Variants in FKBP11 observed in about 807,000 individuals in gnomAD.
The protein encoded by FKBP11 is peptidyl-prolyl cis-trans isomerase FKBP11.
In FKBP11, 21 loss-of-function variants were observed where a neutral mutation model predicts 24.7. The observed-to-expected ratio is 0.85, with a 90% CI of 0.60 to 1.23. The LOEUF (loss-of-function observed/expected upper bound fraction) is 1.23. Among genes scored for constraint, FKBP11 ranks in the 50% most tolerant of loss-of-function variants. The pLI is 0.00. For missense variants in FKBP11, 245 were observed against 248.7 expected, an observed-to-expected ratio of 0.99 and a Z score of 0.10; for synonymous variants, 106 against 100.6, an observed-to-expected ratio of 1.05 and a Z score of -0.32.
In FKBP11 at chr12:48,925,474, G is replaced by C; in HGVS notation, c.-46C>G. 8 of 1,529,850 alleles carry C rather than the reference G, an allele frequency of 5.2e-6. No homozygotes were observed. Among genetic ancestry groups the C allele is most frequent in the Non-Finnish European group, 7.0e-6 (8 of 1,138,378 alleles). The allele number at this position is 1,529,850 out of a possible 1,614,324, so 94.8% of individuals were successfully genotyped here. The stretch of plus-strand genomic sequence containing the variant: ...GCCGGGGCACCAGGACAGGCTGTTC[G>C]GGTGGCGGCAGCCAGGACAGCGTTC... On this transcript the variant is annotated 5_prime_UTR_variant, in exon 1 of 6. Coordinates refer to ENST00000550765, the MANE Select transcript of FKBP11 (RefSeq NM_016594.3).
chr12:48,928,299 C>G (rs1592233786), upstream of FKBP11, among the ~76,000 whole-genome samples: 1 of 151,692 alleles, frequency 6.6e-6, no homozygotes, highest in African/African-American at 2.4e-5. Context: ...CCCCCTTCGG[C>G]TTCTTAAAGT....
At chr12:48,924,694 T>C in intron 2 of FKBP11, 46 bp from the exon 3 acceptor site, 1 of 1,599,612 alleles carries the variant, frequency 6.3e-7, no homozygotes, top group African/African-American at 1.3e-5. Context: ...ACCCTCTCCC[T>C]CCCAGCAGGC....
chr12:48,926,903 G>C (rs147045254), upstream of FKBP11, among the ~76,000 whole-genome samples: 1 of 152,010 alleles, frequency 6.6e-6, no homozygotes, highest in African/African-American at 2.4e-5. Context: ...TCCACCTCCC[G>C]GGTTCAAGCG....
chr12:48,934,694 G>A, the FKBP11 span, among the ~76,000 whole-genome samples: 5 of 152,284 alleles, frequency 3.3e-5, no homozygotes, highest in Middle Eastern at 3.4e-3. Context: ...TTGTAGCTCT[G>A]AAAGATATCT....
chr12:48,923,450 T>A (rs1022016135), intron 5 of FKBP11: 62 of 1,546,820 alleles, frequency 4.0e-5, no homozygotes, highest in Middle Eastern at 4.5e-4. Context: ...TGACACAGCG[T>A]AGAGTTGTAG....
At chr12:48,938,600 T>C in the FKBP11 span, 1 of 456,390 alleles carries the variant, frequency 2.2e-6, no homozygotes, top group Admixed American at 2.5e-5. Flanking sequence ...AGGACTCAGA[T>C]GCCAAGAGGA....
chr12:48,923,520 A>C, intron 5 of FKBP11: 1 of 1,551,146 alleles, frequency 6.4e-7, no homozygotes, highest in South Asian at 1.2e-5. Context: ...CAGCAGACCC[A>C]TGTGGCCCAA....
chr12:48,931,756 T>C, the FKBP11 span: 1 of 419,612 alleles, frequency 2.4e-6, no homozygotes, highest in East Asian at 4.3e-5. Context: ...TGCCAAAGAA[T>C]AAGCAGAACA....
intron 3 of FKBP11, 102 bp downstream of exon 3, chr12:48,924,459 T>C (rs1213008522): frequency 4.1e-6 from 5 of 1,218,674 alleles, no homozygotes; most frequent in Non-Finnish European, 6.0e-6. Context: ...CCCTAGGGTC[T>C]TACTCATTTC....
chr12:48,924,707 G>A, intron 2 of FKBP11, 59 bp from the exon 3 acceptor site: 3 of 1,591,482 alleles, frequency 1.9e-6, no homozygotes, highest in South Asian at 1.1e-5. Flanking sequence ...CAGCAGGCGC[G>A]CAACACACAC....
At chr12:48,931,378 A>G, upstream of FKBP11, 1 of 1,528,158 alleles carries the variant, frequency 6.5e-7, no homozygotes. Flanking sequence ...AGAAATGGAA[A>G]GGGCAAAACT....
chr12:48,931,112 GAGCGAGA>G (rs1413453203), upstream of FKBP11, among the ~76,000 whole-genome samples: 1 of 114,236 alleles, frequency 8.8e-6, no homozygotes, highest in African/African-American at 3.3e-5. Flanking sequence ...CTGGGCGACA[GAGCGAGA>G]CTCCAGCTTA....
the FKBP11 span, among the ~76,000 whole-genome samples, chr12:48,933,450 C>T: frequency 1.3e-5 from 2 of 152,098 alleles, no homozygotes; most frequent in Admixed American, 1.3e-4. Flanking sequence ...GCCTGTAATC[C>T]CAGTGCTTTG....
At chr12:48,931,370 A>G, upstream of FKBP11, 1 of 1,514,674 alleles carries the variant, frequency 6.6e-7, no homozygotes, top group Non-Finnish European at 8.9e-7. Flanking sequence ...GTGGTAGTAG[A>G]AATGGAAAGG....
intron 5 of FKBP11, 196 bp downstream of exon 5, chr12:48,923,586 A>C (rs1374952781): frequency 6.4e-7 from 1 of 1,551,928 alleles, no homozygotes; most frequent in East Asian, 2.4e-5. Flanking sequence ...AGGTGGCCTC[A>C]TCAGGTTGTC....
At chr12:48,938,491 C>T in the FKBP11 span, 7 of 449,556 alleles carry the variant, frequency 1.6e-5, no homozygotes, top group Non-Finnish European at 2.7e-5. Flanking sequence ...CACACATGCA[C>T]GCAAACACAG....
chr12:48,931,614 T>C, the FKBP11 span: 2 of 735,704 alleles, frequency 2.7e-6, no homozygotes, highest in Non-Finnish European at 2.2e-6. Context: ...TCTCTGTCAG[T>C]GTGTAGGAGA....
upstream of FKBP11, among the ~76,000 whole-genome samples, chr12:48,930,391 A>C (rs1370023468): frequency 6.6e-6 from 1 of 152,246 alleles, no homozygotes; most frequent in African/African-American, 2.4e-5. Context: ...AGAGAAGAGT[A>C]AGGGCAATGT....
At chr12:48,923,094 G>A in intron 5 of FKBP11, 1 of 992,024 alleles carries the variant, frequency 1.0e-6, no homozygotes, top group East Asian at 7.0e-5. Context: ...GTTGTGGTGA[G>A]TGAAGATTGC....
Sources: gnomAD v4.1 joint callset for allele counts (sites outside exome capture counted in the v4.1 genomes callset) on GRCh38, gnomAD v4.1.1 for gene constraint, MANE v1.5 for transcripts, NCBI Gene and HGNC (gene_info 2026-07-23, HGNC 2026-07-21) for gene names.